Variants in TDRD10 observed in about 807,000 individuals in gnomAD.
TDRD10 encodes tudor domain containing 10.
Under a neutral mutation model 48.0 loss-of-function variants are expected in TDRD10, and 40 were observed. The observed-to-expected ratio is 0.83, with a 90% CI of 0.65 to 1.09. TDRD10 has a LOEUF of 1.09. Ranked by LOEUF, TDRD10 falls within the 50% of genes least tolerant of loss-of-function variation. The probability of loss-of-function intolerance (pLI) is 0.00; values close to 1 mark genes in which losing one functional copy is unlikely to be tolerated. For missense variants in TDRD10, 378 were observed against 434.7 expected, an observed-to-expected ratio of 0.87 and a Z score of 1.16; for synonymous variants, 162 against 170.4, an observed-to-expected ratio of 0.95 and a Z score of 0.38.
chr1:154,506,806 T>C (rs1446529982), intron 1 of TDRD10, 71 bp from the exon 2 acceptor site: 5 of 1,334,364 alleles, frequency 3.7e-6, no homozygotes, highest in African/African-American at 1.4e-5. Context: ...CTTACCACAG[T>C]ACCTATTCGG....
At position 154,526,684 on chromosome 1, in the gene TDRD10, A is replaced by T. The variant is rs138271724; in HGVS notation, c.369+5205A>T. Among the ~76,000 whole-genome samples the T allele has an allele frequency of 1.1e-3, 162 of 151,996 alleles. 1 individual carries two copies. The Middle Eastern group carries it at 0.014, about 13-fold the overall frequency. ...CGGCCAGGCTGATCTCAAACTCCTG[A>T]CCTTGTGATCTGCCCTTCTTGGTCT... On this transcript the variant is annotated intron_variant, in intron 6 of 12. Coordinates refer to ENST00000368482, the MANE Select transcript of TDRD10 (RefSeq NM_182499.4).
At chr1:154,504,878 C>T (rs1466841255) in intron 1 of TDRD10, among the ~76,000 whole-genome samples, 1 of 152,048 alleles carries the variant, frequency 6.6e-6, no homozygotes, top group Admixed American at 6.6e-5. Context: ...TCCCAGCTAT[C>T]TGGGAGGCTG....
intron 6 of TDRD10, among the ~76,000 whole-genome samples, chr1:154,539,978 TG>T (rs1043142661): frequency 7.9e-5 from 12 of 151,718 alleles, no homozygotes; most frequent in African/African-American, 2.9e-4. Context: ...ATGAGCCTGG[TG>T]GGTGAAGGGG....
intron 11 of TDRD10, among the ~76,000 whole-genome samples, chr1:154,546,912 C>T (rs58011369): frequency 0.032 from 4,942 of 152,184 alleles, 280 homozygotes; most frequent in African/African-American, 0.11. Flanking sequence ...TACATACAAA[C>T]AGTCCCAGAG....
rs554594311 is a variant in TDRD10, at chr1:154,507,320, G to A, written c.82G>A (p.Gly28Arg). ...NGVLEEQKSP[G>R]FKKRETEVYV... ...AGTGTTGGAGGAGCAGAAATCTCCA[G>A]GTAAGTTAGGCTGGGGGATTCGCTG... is the stretch of plus-strand genomic sequence containing the variant. Residue 28 changes from glycine to arginine, a missense_variant and splice_region_variant, in exon 3 of 13, where the codon GGA (glycine) becomes AGA (arginine). Around this residue, in one of 2 missense-constraint regions of TDRD10, gnomAD observed 310 missense variants for 323.6 expected, o/e 0.96. Transcript: ENST00000368482. 1 of 1,614,018 alleles carries A rather than the reference G, an allele frequency of 6.2e-7. No homozygotes were observed. The highest frequency in any genetic ancestry group is 1.3e-5 in the African/African-American group (1 of 75,030).
intron 10 of TDRD10, 72 bp from the exon 11 acceptor site, chr1:154,544,723 C>T: frequency 6.4e-7 from 1 of 1,562,564 alleles, no homozygotes; most frequent in Admixed American, 1.8e-5. Flanking sequence ...TTCACATCCA[C>T]TTTGTTGAGG....
At chr1:154,520,429 C>G in intron 5 of TDRD10, 55 bp downstream of exon 5, 2 of 1,456,770 alleles carry the variant, frequency 1.4e-6, no homozygotes, top group Non-Finnish European at 1.9e-6. Context: ...TCCTCCCTGT[C>G]CATTTTGCTG....
intron 4 of TDRD10, among the ~76,000 whole-genome samples, chr1:154,517,750 T>C (rs1050959804): frequency 3.9e-5 from 6 of 152,114 alleles, no homozygotes; most frequent in African/African-American, 1.4e-4. Context: ...TGCAAAATCA[T>C]CAATTTCACA....
Position 154,521,314 on chromosome 1 carries a change from C to G in TDRD10, c.213-9C>G. 3 of 1,613,894 alleles carry G rather than the reference C, an allele frequency of 1.9e-6. No individual in the cohort carries two copies. The highest frequency in any genetic ancestry group is 2.5e-6 in the Non-Finnish European group (3 of 1,179,876). On this transcript the variant is annotated splice_polypyrimidine_tract_variant and intron_variant, in intron 5 of 12. Coordinates refer to ENST00000368482, the MANE Select transcript of TDRD10 (RefSeq NM_182499.4). ...GCTCAAAGCCTCCCTCTCTCTCTTC[C>G]CTTTTCAGCTTTGCATTTGTAGATC...
In TDRD10 at chr1:154,547,401, T is replaced by G; in HGVS notation, c.953-8T>G. 6.2e-7 allele frequency: 1 copy of G among 1,614,158 alleles called. No individual in the cohort carries two copies. The highest frequency in any genetic ancestry group is 8.5e-7 in the Non-Finnish European group (1 of 1,180,024). On this transcript the variant is annotated splice_region_variant and splice_polypyrimidine_tract_variant and intron_variant, in intron 11 of 12. Coordinates refer to ENST00000368482, the MANE Select transcript of TDRD10 (RefSeq NM_182499.4). ...ACTGAGGTTTTGTTGTTGTGTCTTG[T>G]TTTGCAGACATTTTGAGTTCGTATG...
intron 6 of TDRD10, among the ~76,000 whole-genome samples, chr1:154,533,894 T>TATA (rs199523039): frequency 0.011 from 1,248 of 110,444 alleles, 11 homozygotes; most frequent in African/African-American, 0.027. Flanking sequence ...TATATATATA[T>TATA]TTTTTTTTAA....
intron 6 of TDRD10, among the ~76,000 whole-genome samples, chr1:154,524,115 G>C (rs980129599): frequency 6.6e-6 from 1 of 151,972 alleles, no homozygotes; most frequent in Non-Finnish European, 1.5e-5. Context: ...ATCTGCTTCT[G>C]TTGACATTTA....
chr1:154,544,140 T>C (rs1695414825), intron 9 of TDRD10, 30 bp downstream of exon 9: 1 of 1,613,532 alleles, frequency 6.2e-7, no homozygotes, highest in African/African-American at 1.3e-5. Flanking sequence ...CCCCTCAGGC[T>C]CCTGTGCCTT....
chr1:154,544,461 C>A lies in TDRD10; in HGVS notation c.741C>A (p.Arg247=). 1 of 1,613,116 alleles carries A rather than the reference C, an allele frequency of 6.2e-7. No homozygotes were observed. ...ACCTGGAGGGCTCCACCGTTATGCG[C>A]GGGACTCGCTGTCTGGCAGAGTACC... ...QPYLEGSTVM[R]GTRCLAEYHL... The change falls in exon 10 of 13, where the codon CGC becomes CGA. Residue 247 remains arginine (R), a synonymous_variant. Transcript: ENST00000368482.
rs1491386709 is a variant in TDRD10 at position 154,545,788 on chromosome 1, T to TG, written c.952+840dup. ...AACTAAGTCTTTTTTTTTTTTTTTTTGAGATGGAGTCTCGTTCTGTCACCC... is the reference window on the plus strand; with the variant it reads ...AACTAAGTCTTTTTTTTTTTTTTTTTGGAGATGGAGTCTCGTTCTGTCACCC... On this transcript the variant is annotated intron_variant, in intron 11 of 12. Transcript: ENST00000368482. 3.6e-5 allele frequency among the ~76,000 whole-genome samples: 5 copies of TG among 138,630 alleles called. No homozygotes were observed. The Admixed American group carries it at 3.6e-4, about 10-fold the overall frequency. 90.9% of individuals were successfully genotyped at this position (138,630 alleles called of 152,430 possible).
At chr1:154,546,342 G>A (rs2149357805) in intron 11 of TDRD10, among the ~76,000 whole-genome samples, 1 of 149,206 alleles carries the variant, frequency 6.7e-6, no homozygotes, top group African/African-American at 2.5e-5. Flanking sequence ...AAAGTGTTGG[G>A]ATTACAGGTG....
intron 4 of TDRD10, 94 bp from the exon 5 acceptor site, chr1:154,520,210 T>C (rs1245512325): frequency 3.5e-6 from 3 of 866,474 alleles, no homozygotes; most frequent in South Asian, 2.8e-5. Context: ...TGAGTTAAAT[T>C]GAGTCCAGAC....
At chr1:154,515,817 C>T (rs1004319377) in intron 4 of TDRD10, among the ~76,000 whole-genome samples, 4 of 152,164 alleles carry the variant, frequency 2.6e-5, no homozygotes, top group African/African-American at 7.2e-5. Context: ...TGGGTTCAAG[C>T]GATTCTCCTG....
chr1:154,544,457 T>C lies in TDRD10; in HGVS notation c.737T>C (p.Met246Thr), dbSNP rs146449258. The C allele has an allele frequency of 2.9e-4, 460 of 1,613,096 alleles. No homozygotes were observed. Among genetic ancestry groups the C allele is most frequent in the Non-Finnish European group, 3.6e-4 (425 of 1,179,794 alleles). ...QQPYLEGSTVMRGTRCLAEYH... is the reference protein window; with the variant it reads ...QQPYLEGSTVTRGTRCLAEYH... ...CCCTACCTGGAGGGCTCCACCGTTA[T>C]GCGCGGGACTCGCTGTCTGGCAGAG... Residue 246 changes from methionine (M) to threonine (T), a missense_variant, in exon 10 of 13, where the codon ATG becomes ACG. Met to Thr is a moderately conservative substitution (Grantham distance 81). This residue lies in a region of TDRD10 where 310 missense variants were observed against 323.6 expected (regional missense o/e 0.96). Transcript: ENST00000368482.
Sources: allele counts gnomAD v4.1 joint callset (sites outside exome capture counted in the v4.1 genomes callset), GRCh38; gene constraint gnomAD v4.1.1; regional missense constraint gnomAD v4.1.1; transcripts MANE v1.5; gene names NCBI Gene and HGNC (gene_info 2026-07-23, HGNC 2026-07-21).